Variants in SLC2A13 observed in about 807,000 individuals in gnomAD.
The protein encoded by SLC2A13 is solute carrier family 2 member 13, also known as proton myo-inositol cotransporter.
Under a neutral mutation model 64.4 loss-of-function variants are expected in SLC2A13, and 32 were observed. That is an observed-to-expected ratio of 0.50 (90% CI 0.37 to 0.67). The LOEUF is 0.67. Ranked by LOEUF, SLC2A13 falls within the 30% of genes least tolerant of loss-of-function variation. The pLI is 0.00. For synonymous variants in SLC2A13, 338 were observed against 327.1 expected, an observed-to-expected ratio of 1.03 and a Z score of -0.36; for missense variants, 743 against 829.2, an observed-to-expected ratio of 0.90 and a Z score of 1.28.
At chr12:39,787,943 C>A (rs1941249485) in intron 7 of SLC2A13, among the ~76,000 whole-genome samples, 1 of 152,090 alleles carries the variant, frequency 6.6e-6, no homozygotes, top group African/African-American at 2.4e-5. Context: ...GTACTTGGTA[C>A]TAATGTAATA....
intron 3 of SLC2A13, among the ~76,000 whole-genome samples, chr12:40,006,265 C>A (rs528687684): frequency 1.4e-4 from 22 of 152,250 alleles, no homozygotes; most frequent in South Asian, 6.2e-4. Context: ...TAAGCTGTAA[C>A]AGAGTGGCAA....
chr12:39,860,021 C>T (rs930320045), intron 6 of SLC2A13, among the ~76,000 whole-genome samples: 2 of 152,036 alleles, frequency 1.3e-5, no homozygotes, highest in African/African-American at 4.8e-5. Context: ...TGGTCCAAAG[C>T]AAGAAGAGCA....
At chr12:39,942,128 GA>G (rs200048601) in intron 4 of SLC2A13, among the ~76,000 whole-genome samples, 2 of 151,462 alleles carry the variant, frequency 1.3e-5, no homozygotes, top group Non-Finnish European at 1.5e-5. Context: ...AGTATAGTTT[GA>G]AATCAGGTAG....
rs540767486 is a variant in SLC2A13 at position 39,844,281 on chromosome 12, G to A, written c.1320-14053C>T. Among the ~76,000 whole-genome samples, 3 of 152,136 alleles carry A rather than the reference G, an allele frequency of 2.0e-5. No homozygotes were observed. In the South Asian group the frequency reaches 6.2e-4, roughly 32 times the overall value. On this transcript the variant is annotated intron_variant, in intron 6 of 9. Transcript: ENST00000280871. ...AAAATTTCAAGGCATAGGGTAGATAGACAGTCCTTTAACTTCACAGTTTAG... is the reference window on the plus strand; with the variant it reads ...AAAATTTCAAGGCATAGGGTAGATAAACAGTCCTTTAACTTCACAGTTTAG...
chr12:39,892,406 G>A (rs935454333), intron 4 of SLC2A13, among the ~76,000 whole-genome samples: 1 of 152,162 alleles, frequency 6.6e-6, no homozygotes, highest in African/African-American at 2.4e-5. Flanking sequence ...ACCTACTGTT[G>A]GCATGGTACT....
intron 6 of SLC2A13, among the ~76,000 whole-genome samples, chr12:39,859,076 A>T (rs571437054): frequency 6.6e-6 from 1 of 152,198 alleles, no homozygotes; most frequent in South Asian, 2.1e-4. Flanking sequence ...CTTTGAAGGG[A>T]CTAATTTATG....
chr12:39,945,220 A>G (rs944699872), intron 4 of SLC2A13, among the ~76,000 whole-genome samples: 16 of 152,178 alleles, frequency 1.1e-4, no homozygotes, highest in Admixed American at 7.9e-4. Context: ...TTCTGCTGAG[A>G]AATCTGCTGT....
At chr12:39,926,762 T>C (rs1945737472) in intron 4 of SLC2A13, among the ~76,000 whole-genome samples, 1 of 152,134 alleles carries the variant, frequency 6.6e-6, no homozygotes, top group Non-Finnish European at 1.5e-5. Flanking sequence ...ATTACAGGCA[T>C]GAGCCACCAT....
chr12:40,035,536 T>C (rs1435806544), intron 2 of SLC2A13, among the ~76,000 whole-genome samples: 5 of 152,206 alleles, frequency 3.3e-5, no homozygotes, highest in Non-Finnish European at 5.9e-5. Flanking sequence ...GATAATCAGA[T>C]GGCAGCTAGA....
intron 4 of SLC2A13, among the ~76,000 whole-genome samples, chr12:39,932,045 T>C (rs10784283): frequency 0.86 from 131,489 of 152,146 alleles, 56,899 homozygotes; most frequent in East Asian, 1. Flanking sequence ...CAATCTAGTT[T>C]ATTCATTTCC....
At chr12:40,096,704 C>T (rs1193088535) in intron 1 of SLC2A13, among the ~76,000 whole-genome samples, 2 of 151,868 alleles carry the variant, frequency 1.3e-5, no homozygotes, top group African/African-American at 4.8e-5. Context: ...TTCCATTCAT[C>T]CTATACTGGT....
chr12:39,994,041 C>A lies in SLC2A13; in HGVS notation c.925+34260G>T, dbSNP rs1396434558. ...AAATGTAATAACTGTAGACATCTTG[C>A]AATCTTCTTTTTCCAGTCAGAAGTT... is the stretch of plus-strand genomic sequence containing the variant. On this transcript the variant is annotated intron_variant, in intron 3 of 9. Transcript: ENST00000280871. Among the ~76,000 whole-genome samples the A allele has an allele frequency of 3.3e-5, 5 of 152,092 alleles. No individual in the cohort carries two copies. The East Asian group carries it at 7.7e-4, about 23-fold the overall frequency.
At chr12:39,838,326 C>G (rs1195141860) in intron 6 of SLC2A13, among the ~76,000 whole-genome samples, 2 of 123,708 alleles carry the variant, frequency 1.6e-5, no homozygotes, top group Non-Finnish European at 3.2e-5. Context: ...GAATATCACA[C>G]TCTGGGGACT....
chr12:40,042,156 T>C (rs1166834105), intron 2 of SLC2A13, among the ~76,000 whole-genome samples: 1 of 152,182 alleles, frequency 6.6e-6, no homozygotes, highest in Admixed American at 6.5e-5. Flanking sequence ...AATTAAATGA[T>C]GAAACATGAA....
At chr12:39,996,157 T>C (rs1301504336) in intron 3 of SLC2A13, among the ~76,000 whole-genome samples, 1 of 152,196 alleles carries the variant, frequency 6.6e-6, no homozygotes, top group Non-Finnish European at 1.5e-5. Flanking sequence ...GAAGAACTTA[T>C]TGCGGAATGG....
chr12:39,908,696 T>C (rs572242528), intron 4 of SLC2A13, among the ~76,000 whole-genome samples: 6 of 152,102 alleles, frequency 3.9e-5, no homozygotes, highest in African/African-American at 1.2e-4. Flanking sequence ...TTGATGGTGG[T>C]AAGCTGGGTT....
At chr12:40,039,247 A>C (rs1948041368) in intron 2 of SLC2A13, among the ~76,000 whole-genome samples, 1 of 152,172 alleles carries the variant, frequency 6.6e-6, no homozygotes, top group East Asian at 1.9e-4. Context: ...CTATTAATAT[A>C]GCCACACCAG....
At chr12:39,931,973 T>C (rs1483913744) in intron 4 of SLC2A13, among the ~76,000 whole-genome samples, 2 of 152,150 alleles carry the variant, frequency 1.3e-5, no homozygotes, top group Non-Finnish European at 2.9e-5. Context: ...TTGTTACTCT[T>C]GTAGCTGTTC....
At position 39,830,150 on chromosome 12, in the gene SLC2A13, G is replaced by T. The variant is rs1231370610; in HGVS notation, c.1398C>A (p.Ser466=). Residue 466 remains serine, a synonymous_variant, in exon 7 of 10, where the codon TCC becomes TCA. Transcript: ENST00000280871. Reference sequence around the variant, plus strand: ...TAGATGCTTTATTAACTGGAACACAGGAGGAGTCAATGACAGTTGATTTGT... The same window carrying T: ...TAGATGCTTTATTAACTGGAACACATGAGGAGTCAATGACAGTTGATTTGT... ...KMNKSTVIDS[S]CVPVNKASTN... is the part of the protein sequence containing the mutation. The T allele has an allele frequency of 6.2e-7, 1 of 1,613,738 alleles. No individual in the cohort carries two copies. Among genetic ancestry groups the T allele is most frequent in the South Asian group, 1.1e-5 (1 of 91,084 alleles).
Sources: allele counts gnomAD v4.1 joint callset (sites outside exome capture counted in the v4.1 genomes callset), GRCh38; gene constraint gnomAD v4.1.1; transcripts MANE v1.5; gene names NCBI Gene and HGNC (gene_info 2026-07-23, HGNC 2026-07-21).